Variants in TECTA observed in about 807,000 individuals in gnomAD.
TECTA encodes alpha-tectorin.
TECTA carries 128 observed loss-of-function variants against 216.8 expected under a neutral mutation model. The ratio of observed to expected loss-of-function variants is 0.59; its 90% CI spans 0.51 to 0.68. The LOEUF (loss-of-function observed/expected upper bound fraction) is 0.68, where lower values mean the gene tolerates loss of function less well. TECTA is among the 30% of genes least tolerant of loss of function. The probability of loss-of-function intolerance (pLI) is 0.00; values close to 1 mark genes in which losing one functional copy is unlikely to be tolerated. For missense variants in TECTA, 2,551 were observed against 2,786.2 expected (o/e 0.92, Z 1.90); for synonymous variants, 1,089 against 1,117.1 (o/e 0.97, Z 0.50).
At chr11:121,159,847 TG>T (rs1203450477) in intron 14 of TECTA, among the ~76,000 whole-genome samples, 1 of 152,200 alleles carries the variant, frequency 6.6e-6, no homozygotes, top group African/African-American at 2.4e-5. Context: ...TTGCTTCCTT[TG>T]GGGCAACTAC....
chr11:121,149,391 A>G (rs1387889048), intron 12 of TECTA, among the ~76,000 whole-genome samples: 1 of 152,190 alleles, frequency 6.6e-6, no homozygotes, highest in East Asian at 1.9e-4. Context: ...CCATACATCT[A>G]ATAAATTCCT....
At chr11:121,112,627 G>A (rs182433336) in intron 4 of TECTA, among the ~76,000 whole-genome samples, 25 of 152,320 alleles carry the variant, frequency 1.6e-4, no homozygotes, top group Admixed American at 1.1e-3. Context: ...AATCCGCATG[G>A]CCACTTTAAT....
chr11:121,151,407 G>A (rs1230200105), intron 12 of TECTA, among the ~76,000 whole-genome samples: 1 of 152,186 alleles, frequency 6.6e-6, no homozygotes, highest in Non-Finnish European at 1.5e-5. Context: ...ATGCAGCAGT[G>A]CAAAAGCAAT....
At position 121,152,964 on chromosome 11, in the gene TECTA, G is replaced by A; in HGVS notation, c.4189G>A (p.Asp1397Asn). The A allele has an allele frequency of 6.2e-7, 1 of 1,613,934 alleles. No individual in the cohort carries two copies. ...CTGCGCCGCCATCCGCCTGAAGAGT[G>A]ACTGCAGCCACTACTGCGTGGAGGG... The part of the protein sequence containing the change: ...PRCAAIRLKS[D>N]CSHYCVEGCH... Residue 1397 changes from aspartate to asparagine, a missense_variant, in exon 13 of 24, where the codon GAC becomes AAC. Asp to Asn is a conservative substitution (Grantham distance 23, BLOSUM62 1). Coordinates refer to ENST00000392793, the MANE Select transcript of TECTA (RefSeq NM_005422.4).
At chr11:121,189,620 C>G (rs1231774316) in intron 22 of TECTA, 144 bp from the exon 23 acceptor site, 1 of 724,504 alleles carries the variant, frequency 1.4e-6, no homozygotes, top group Admixed American at 1.9e-5. Context: ...GTGATCCACC[C>G]GCCTCGGCCT....
chr11:121,160,293 C>T lies in TECTA; in HGVS notation c.4848C>T (p.Asn1616=), dbSNP rs967424883. The change falls in exon 15 of 24, where the codon AAC becomes AAT. Residue 1616 remains asparagine, a synonymous_variant. Coordinates refer to ENST00000392793, the MANE Select transcript of TECTA (RefSeq NM_005422.4). ...TCAGCATCAGCGAGAGGCTGCAGAACAAAGTGTGCGGTCTCTGTGGCAACT... is the reference window on the plus strand; with the variant it reads ...TCAGCATCAGCGAGAGGCTGCAGAATAAAGTGTGCGGTCTCTGTGGCAACT... The part of the protein sequence containing the change: ...IKISISERLQ[N]KVCGLCGNFN... 1 of 1,614,200 alleles carries T rather than the reference C, an allele frequency of 6.2e-7. No homozygotes were observed.
chr11:121,178,517 A>AGTGTGTGTGTGTGTGTGTGT (rs3222565), intron 20 of TECTA, among the ~76,000 whole-genome samples: 3 of 127,210 alleles, frequency 2.4e-5, no homozygotes, highest in Non-Finnish European at 5.0e-5. Flanking sequence ...GCTTGTAGTT[A>AGTGTGTGTGTGTGTGTGTGT]GTGTGTGTGT....
At chr11:121,128,802 C>T (rs533411257) in intron 9 of TECTA, among the ~76,000 whole-genome samples, 97 of 152,330 alleles carry the variant, frequency 6.4e-4, no homozygotes, top group Non-Finnish European at 1.1e-3. Context: ...ACTAACTCCC[C>T]TACCTATACA....
At chr11:121,187,133 A>C (rs1261058977) in intron 20 of TECTA, among the ~76,000 whole-genome samples, 1 of 152,238 alleles carries the variant, frequency 6.6e-6, no homozygotes, top group Non-Finnish European at 1.5e-5. Context: ...GCATTGGACA[A>C]AGAGCAGGAA....
rs773207318 is a variant in TECTA at position 121,102,745 on chromosome 11, T to C, written c.64+16T>C. On this transcript the variant is annotated intron_variant, in intron 2 of 23. Transcript: ENST00000392793. ...CAGCACCAAGGTGAGTACTACAGAA[T>C]TCCATAAAGCTCTCAGTTAGCATGC... The C allele has an allele frequency of 6.2e-7, 1 of 1,610,630 alleles. No homozygotes were observed. Among genetic ancestry groups the C allele is most frequent in the African/African-American group, 1.3e-5 (1 of 74,922 alleles).
chr11:121,134,769 C>T (rs1165002976), intron 10 of TECTA, among the ~76,000 whole-genome samples: 2 of 152,168 alleles, frequency 1.3e-5, no homozygotes, highest in Admixed American at 6.5e-5. Flanking sequence ...ACTGCTAACT[C>T]CTACCTGGCA....
chr11:121,126,717 G>C (rs941639026), intron 8 of TECTA, among the ~76,000 whole-genome samples: 1 of 152,144 alleles, frequency 6.6e-6, no homozygotes, highest in African/African-American at 2.4e-5. Context: ...GTATAAGTTG[G>C]AGTCACATAA....
At chr11:121,126,685 A>G (rs1434572733) in intron 8 of TECTA, among the ~76,000 whole-genome samples, 1 of 152,230 alleles carries the variant, frequency 6.6e-6, no homozygotes, top group East Asian at 1.9e-4. Flanking sequence ...TTCCAAGGCT[A>G]GAGGGAGAAT....
At chr11:121,161,537 CCCT>C (rs1297874735) in intron 15 of TECTA, among the ~76,000 whole-genome samples, 2 of 108,920 alleles carry the variant, frequency 1.8e-5, no homozygotes, top group African/African-American at 3.4e-5. Flanking sequence ...CTCCTTCCCT[CCCT>C]CCTTCCCTTC....
In TECTA at chr11:121,125,645, C is replaced by A; in HGVS notation, c.1547C>A (p.Ala516Asp). ...ACCCAGTGCGACGCTGCCACTGAAGCCCTCTACTTTGGCTCTGACTACTGC... is the reference window on the plus strand; with the variant it reads ...ACCCAGTGCGACGCTGCCACTGAAGACCTCTACTTTGGCTCTGACTACTGC... ...NCTQCDAATE[A>D]LYFGSDYCGF... The change falls in exon 8 of 24, where the codon GCC becomes GAC. Residue 516 changes from alanine (A) to aspartate (D), a missense_variant. This residue lies in a region of TECTA where 2,375 missense variants were observed against 2,563.9 expected (regional missense o/e 0.93). Transcript: ENST00000392793. The A allele has an allele frequency of 1.2e-6, 2 of 1,611,604 alleles. No individual in the cohort carries two copies. The highest frequency in any genetic ancestry group is 1.7e-6 in the Non-Finnish European group (2 of 1,178,020).
At position 121,125,805 on chromosome 11, in the gene TECTA, G is replaced by T; in HGVS notation, c.1707G>T (p.Gln569His). ...DNGTLLCQAIQAYALVCQALG... is the reference protein window; with the variant it reads ...DNGTLLCQAIHAYALVCQALG... ...GCACGCTCCTCTGCCAAGCCATCCA[G>T]GCCTATGCTCTTGTGTGCCAAGCCC... The change falls in exon 8 of 24, where the codon CAG becomes CAT. Residue 569 changes from glutamine (Q) to histidine (H), a missense_variant. Around this residue, in one of 3 missense-constraint regions of TECTA, gnomAD observed 2,375 missense variants for 2,563.9 expected, o/e 0.93. Coordinates refer to ENST00000392793, the MANE Select transcript of TECTA (RefSeq NM_005422.4). 1 of 1,613,962 alleles carries T rather than the reference G, an allele frequency of 6.2e-7. No individual in the cohort carries two copies. Among genetic ancestry groups the T allele is most frequent in the Non-Finnish European group, 8.5e-7 (1 of 1,180,044 alleles).
chr11:121,145,264 C>A (rs1946823616), intron 11 of TECTA, among the ~76,000 whole-genome samples: 1 of 152,158 alleles, frequency 6.6e-6, no homozygotes, highest in African/African-American at 2.4e-5. Context: ...ATTCTTATTA[C>A]CTTTACATTA....
At position 121,118,626 on chromosome 11, in the gene TECTA, A is replaced by G. The variant is rs612969; in HGVS notation, c.1111A>G (p.Arg371Gly). The change falls in exon 7 of 24, where the codon AGA becomes GGA. Residue 371 changes from arginine (R) to glycine (G), a missense_variant. Coordinates refer to ENST00000392793, the MANE Select transcript of TECTA (RefSeq NM_005422.4). Reference protein sequence around the residue: ...FSVEAKNEHRRGSAVSWVKEL... With the variant: ...FSVEAKNEHRGGSAVSWVKEL... Reference sequence around the variant, plus strand: ...TGTGGAGGCCAAGAATGAACACCGCAGAGGTTCAGCCGTCTCCTGGGTGAA... The same window carrying G: ...TGTGGAGGCCAAGAATGAACACCGCGGAGGTTCAGCCGTCTCCTGGGTGAA... The G allele has an allele frequency of 0.42, 683,189 of 1,613,798 alleles. 149,284 individuals carry two copies. The highest frequency in any genetic ancestry group is 0.69 in the African/African-American group (51,318 of 74,908).
Position 121,125,582 on chromosome 11 carries a change from C to A in TECTA, c.1484C>A (p.Ala495Glu). Residue 495 changes from alanine (A) to glutamate (E), a missense_variant, in exon 8 of 24, where the codon GCA becomes GAA. Ala to Glu is a moderately radical substitution (Grantham distance 107). Around this residue, in one of 3 missense-constraint regions of TECTA, gnomAD observed 2,375 missense variants for 2,563.9 expected, o/e 0.93. Coordinates refer to ENST00000392793, the MANE Select transcript of TECTA (RefSeq NM_005422.4). ...GGAGAGAGCTGGCGTGTGTACCACG[C>A]AGACTGGAAGTGCGACTCCGGCTGC... The part of the protein sequence containing the change: ...DLGESWRVYH[A>E]DWKCDSGCVD... 2 of 1,614,074 alleles carry A rather than the reference C, an allele frequency of 1.2e-6. No homozygotes were observed. The highest frequency in any genetic ancestry group is 1.7e-6 in the Non-Finnish European group (2 of 1,180,004).
Sources: allele counts gnomAD v4.1 joint callset (sites outside exome capture counted in the v4.1 genomes callset), GRCh38; gene constraint gnomAD v4.1.1; regional missense constraint gnomAD v4.1.1; transcripts MANE v1.5; gene names NCBI Gene and HGNC (gene_info 2026-07-23, HGNC 2026-07-21).